The following MKNK2 variants were observed in gnomAD, a reference collection of about 807,000 sequenced individuals.
MKNK2 encodes MAP kinase-interacting serine/threonine-protein kinase 2.
A neutral mutation model predicts 55.0 loss-of-function variants in MKNK2; 54 were observed. The observed-to-expected ratio is 0.98, with a 90% confidence interval of 0.79 to 1.23. The LOEUF (loss-of-function observed/expected upper bound fraction) is 1.23, where lower values mean the gene tolerates loss of function less well. MKNK2 is among the 50% of genes most tolerant of loss of function. The pLI, the probability that MKNK2 is intolerant of heterozygous loss-of-function variation, is 0.00. For synonymous variants in MKNK2, 323 were observed against 256.0 expected (o/e 1.26, Z -2.50); for missense variants, 685 against 632.1 (o/e 1.08, Z -0.90).
intron 8 of MKNK2, 40 bp downstream of exon 8, chr19:2,042,726 C>T (rs2016917225): frequency 1.3e-6 from 2 of 1,547,288 alleles, no homozygotes; most frequent in Admixed American, 2.0e-5. Context: ...GAGTCCTTGG[C>T]AGGCGGCCCT....
At position 2,043,742 on chromosome 19, in the gene MKNK2, A is replaced by G. The variant is rs186389915; in HGVS notation, c.340-160T>C. On this transcript the variant is annotated intron_variant, in intron 5 of 13. Coordinates refer to ENST00000250896, the MANE Select transcript of MKNK2 (RefSeq NM_199054.3). Reference sequence around the variant, plus strand: ...TGTCATCCCAGCACTTTGGGAGGCCAAGGCGGGTGGATCATGAGGTCAGGA... The same window carrying G: ...TGTCATCCCAGCACTTTGGGAGGCCGAGGCGGGTGGATCATGAGGTCAGGA... Among the ~76,000 whole-genome samples, 390 of 152,228 alleles carry G rather than the reference A, an allele frequency of 2.6e-3. 1 individual carries two copies. The highest frequency in any genetic ancestry group is 8.6e-3 in the African/African-American group (359 of 41,544).
chr19:2,046,335 C>T lies in MKNK2; in HGVS notation c.241+32G>A, dbSNP rs377081063. 1.8e-5 allele frequency: 29 copies of T among 1,604,244 alleles called. No homozygotes were observed. In the South Asian group the frequency reaches 1.9e-4, roughly 10 times the overall value. Reference sequence around the variant, plus strand: ...AGGGACCCTGGCTTTTCCCCGCTCCCGGCTCCCCCAATGCCCGCCATCCCC... The same window carrying T: ...AGGGACCCTGGCTTTTCCCCGCTCCTGGCTCCCCCAATGCCCGCCATCCCC... On this transcript the variant is annotated intron_variant, in intron 4 of 13. Coordinates refer to ENST00000250896, the MANE Select transcript of MKNK2 (RefSeq NM_199054.3).
chr19:2,042,648 CCCTGTGGGCGATG>C lies in MKNK2; in HGVS notation c.600_612del (p.Ile201ThrfsTer2). The C allele has an allele frequency of 6.4e-7, 1 of 1,562,654 alleles. No individual in the cohort carries two copies. The highest frequency in any genetic ancestry group is 2.4e-5 in the East Asian group (1 of 42,496). Reference sequence around the variant, plus strand: ...CAGAGGATGTTTTCCGGCTTTAGGTCCCTGTGGGCGATGCCTGGGGGAGAAGCCACAGAACCAC... The same window carrying C: ...CAGAGGATGTTTTCCGGCTTTAGGTCCCTGGGGGAGAAGCCACAGAACCAC... On this transcript the variant is annotated frameshift_variant and splice_region_variant, in exon 9 of 14. Coordinates refer to ENST00000250896, the MANE Select transcript of MKNK2 (RefSeq NM_199054.3). LOFTEE classifies it high-confidence loss of function.
In MKNK2 at chr19:2,038,341, G is replaced by C. The variant is rs897794055; in HGVS notation, c.*1272C>G. ...AGGGGCTGCCCCAGCTGTGGAGCTC[G>C]GGGGCTGCGCCGGGAAGGGCGGGCG... On this transcript the variant is annotated 3_prime_UTR_variant, in exon 14 of 14. Coordinates refer to ENST00000250896, the MANE Select transcript of MKNK2 (RefSeq NM_199054.3). 3.2e-5 allele frequency: 32 copies of C among 986,374 alleles called. No individual in the cohort carries two copies. The highest frequency in any genetic ancestry group is 3.7e-5 in the Non-Finnish European group (31 of 830,420). 61.1% of individuals were successfully genotyped at this position (986,374 alleles called of 1,614,324 possible).
At position 2,038,642 on chromosome 19, in the gene MKNK2, G is replaced by A. The variant is rs534749032; in HGVS notation, c.*971C>T. The A allele has an allele frequency of 1.9e-4, 183 of 985,380 alleles. No homozygotes were observed. The highest frequency in any genetic ancestry group is 2.1e-4 in the Non-Finnish European group (171 of 830,010). 61.0% of individuals were successfully genotyped at this position (985,380 alleles called of 1,614,324 possible). ...CTCTAAGGACAAGGACGGAGCTGAC[G>A]GAGCTTCCAGGTCAGGCCCGAGGGG... On this transcript the variant is annotated 3_prime_UTR_variant, in exon 14 of 14. Coordinates refer to ENST00000250896, the MANE Select transcript of MKNK2 (RefSeq NM_199054.3).
chr19:2,045,116 CCAA>C (rs1474947853), intron 5 of MKNK2, among the ~76,000 whole-genome samples: 2 of 152,178 alleles, frequency 1.3e-5, no homozygotes, highest in African/African-American at 4.8e-5. Context: ...ACGTCAGTGG[CCAA>C]CAACACCTCC....
intron 12 of MKNK2, chr19:2,040,672 C>T: frequency 3.2e-6 from 1 of 315,038 alleles, no homozygotes. Context: ...CGACTGGAGG[C>T]CACACAGGGA....
In MKNK2 at chr19:2,037,500, AC is replaced by A. The variant is rs1333209882; in HGVS notation, c.*2112del. On this transcript the variant is annotated 3_prime_UTR_variant, in exon 14 of 14. Coordinates refer to ENST00000250896, the MANE Select transcript of MKNK2 (RefSeq NM_199054.3). ...GTTTTTTGACTTTTATTAAATCTTTACAAAACAGAATACAAAATTCCGGCAT... is the reference window on the plus strand; with the variant it reads ...GTTTTTTGACTTTTATTAAATCTTTAAAAACAGAATACAAAATTCCGGCAT... 2.9e-6 allele frequency: 1 copy of A among 349,640 alleles called. No individual in the cohort carries two copies. Among genetic ancestry groups the A allele is most frequent in the Non-Finnish European group, 5.1e-6 (1 of 194,190 alleles). 21.7% of individuals were successfully genotyped at this position (349,640 alleles called of 1,614,324 possible).
At chr19:2,049,254 A>G (rs2017062632) in intron 2 of MKNK2, among the ~76,000 whole-genome samples, 1 of 152,204 alleles carries the variant, frequency 6.6e-6, no homozygotes, top group Non-Finnish European at 1.5e-5. Context: ...CTGCGAACGG[A>G]AAGAAACCCA....
rs756358905 is a variant in MKNK2, at chr19:2,037,689, C to A, written c.*1924G>T. On this transcript the variant is annotated 3_prime_UTR_variant, in exon 14 of 14. Transcript: ENST00000250896. Reference sequence around the variant, plus strand: ...GTAACATTAACACATGGCCGTTCACCGTCCCCCAGCGATGGGAGCTGGCCT... The same window carrying A: ...GTAACATTAACACATGGCCGTTCACAGTCCCCCAGCGATGGGAGCTGGCCT... The A allele has an allele frequency of 1.5e-6, 2 of 1,318,042 alleles. No homozygotes were observed. The highest frequency in any genetic ancestry group is 4.7e-5 in the Admixed American group (2 of 42,574). The allele number at this position is 1,318,042 out of a possible 1,614,324, so 81.6% of individuals were successfully genotyped here. A position where few individuals can be genotyped will look rare whatever the true frequency, so the allele number is the denominator to read the frequency against.
intron 5 of MKNK2, among the ~76,000 whole-genome samples, chr19:2,045,378 G>C (rs897512281): frequency 6.6e-6 from 1 of 152,128 alleles, no homozygotes; most frequent in Non-Finnish European, 1.5e-5. Flanking sequence ...GCTTCCGGAG[G>C]GGCCTAGTGC....
chr19:2,046,489 A>G (rs2017001796), intron 3 of MKNK2, 21 bp from the exon 4 acceptor site: 3 of 1,600,930 alleles, frequency 1.9e-6, no homozygotes, highest in African/African-American at 1.3e-5. Flanking sequence ...AGGCACGCCC[A>G]GGGGGCTCAG....
Position 2,042,333 on chromosome 19 carries a change from C to G in MKNK2, c.750+94G>C, listed in dbSNP as rs556360886. Reference sequence around the variant, plus strand: ...TGTTGCTAGGCGGAAGCCCGAGCTCCGCGGCCTGGAGCTGCTGGATGGCCC... The same window carrying G: ...TGTTGCTAGGCGGAAGCCCGAGCTCGGCGGCCTGGAGCTGCTGGATGGCCC... On this transcript the variant is annotated intron_variant, in intron 10 of 13. Transcript: ENST00000250896. 66 of 1,176,438 alleles carry G rather than the reference C, an allele frequency of 5.6e-5. No homozygotes were observed. The African/African-American group carries it at 9.0e-4, about 16-fold the overall frequency. The allele number at this position is 1,176,438 out of a possible 1,614,324, so 72.9% of individuals were successfully genotyped here.
At chr19:2,043,622 A>G (rs1477424818) in intron 5 of MKNK2, 40 bp from the exon 6 acceptor site, 2 of 1,589,720 alleles carry the variant, frequency 1.3e-6, no homozygotes, top group Admixed American at 3.4e-5. Flanking sequence ...GGTTGGTGGG[A>G]CGCTCATAGT....
intron 10 of MKNK2, 137 bp downstream of exon 10, chr19:2,042,290 G>A (rs761233228): frequency 1.6e-5 from 14 of 860,948 alleles, no homozygotes; most frequent in African/African-American, 5.1e-5. Flanking sequence ...GCGACACCCC[G>A]CCCAACCAAT....
In MKNK2 at chr19:2,042,411, C is replaced by A; in HGVS notation, c.750+16G>T. The A allele has an allele frequency of 6.4e-7, 1 of 1,559,928 alleles. No homozygotes were observed. Among genetic ancestry groups the A allele is most frequent in the South Asian group, 1.2e-5 (1 of 84,632 alleles). ...AGCAGGCGGCCGAGCCCCCAGCCCT[C>A]CCCGCGGGCCCTCACCGGAGTGAGC... On this transcript the variant is annotated intron_variant, in intron 10 of 13. Coordinates refer to ENST00000250896, the MANE Select transcript of MKNK2 (RefSeq NM_199054.3).
rs1258914919 is a variant in MKNK2 at position 2,037,682 on chromosome 19, C to T, written c.*1931G>A. 4.7e-5 allele frequency: 58 copies of T among 1,245,218 alleles called. No homozygotes were observed. Among genetic ancestry groups the T allele is most frequent in the African/African-American group, 1.7e-4 (11 of 65,032 alleles). The allele number at this position is 1,245,218 out of a possible 1,614,324, so 77.1% of individuals were successfully genotyped here. A position where few individuals can be genotyped will look rare whatever the true frequency, so the allele number is the denominator to read the frequency against. ...AAACATCGTAACATTAACACATGGC[C>T]GTTCACCGTCCCCCAGCGATGGGAG... On this transcript the variant is annotated 3_prime_UTR_variant, in exon 14 of 14. Transcript: ENST00000250896.
chr19:2,037,849 A>C lies in MKNK2; in HGVS notation c.*1764T>G. On this transcript the variant is annotated 3_prime_UTR_variant, in exon 14 of 14. Coordinates refer to ENST00000250896, the MANE Select transcript of MKNK2 (RefSeq NM_199054.3). ...TCCCACCTTCAGAAAAAAAAAAAAA[A>C]ACAAACAAACAAACGCTGCTAGCCA... The C allele has an allele frequency of 6.4e-7, 1 of 1,552,996 alleles. No homozygotes were observed. The highest frequency in any genetic ancestry group is 8.7e-7 in the Non-Finnish European group (1 of 1,147,110).
Position 2,039,450 on chromosome 19 carries a change from A to C in MKNK2, c.*163T>G. The C allele has an allele frequency of 7.1e-7, 1 of 1,402,676 alleles. No homozygotes were observed. 86.9% of individuals were successfully genotyped at this position (1,402,676 alleles called of 1,614,324 possible). A position where few individuals can be genotyped will look rare whatever the true frequency, so the allele number is the denominator to read the frequency against. On this transcript the variant is annotated 3_prime_UTR_variant, in exon 14 of 14. Transcript: ENST00000250896. ...GTGGAAACAGGAAAAAAAAAACCCAAAAGCAAAAACCTTCTATAAAACACC... is the reference window on the plus strand; with the variant it reads ...GTGGAAACAGGAAAAAAAAAACCCACAAGCAAAAACCTTCTATAAAACACC...
Sources: gnomAD v4.1 joint callset for allele counts (sites outside exome capture counted in the v4.1 genomes callset) on GRCh38, gnomAD v4.1.1 for gene constraint, MANE v1.5 for transcripts, NCBI Gene and HGNC (gene_info 2026-07-23, HGNC 2026-07-21) for gene names.